Variants in CARM1 observed in about 807,000 individuals in gnomAD.
The protein encoded by CARM1 is coactivator associated arginine methyltransferase 1.
In CARM1, 14 loss-of-function variants were observed where a neutral mutation model predicts 72.7. The observed-to-expected ratio is 0.19, with a 90% confidence interval of 0.13 to 0.30. The LOEUF is 0.30. CARM1 is among the 10% of genes least tolerant of loss of function. CARM1 has a pLI of 1.00. For missense variants in CARM1, 432 were observed against 833.7 expected (o/e 0.52, Z 5.93); for synonymous variants, 333 against 345.5 (o/e 0.96, Z 0.40).
rs190993014 is a variant in CARM1, at chr19:10,916,242, C to T, written c.848-165C>T. ...AGGTACCCGTGGTGGTGATGAAACA[C>T]TGATCAGAATAGGCGCTCGGTGCCA... On this transcript the variant is annotated intron_variant, in intron 6 of 15. Transcript: ENST00000327064. The surrounding 1 kb of genome is among the most constrained non-coding windows in gnomAD (Gnocchi z 4.4). Among the ~76,000 whole-genome samples the T allele has an allele frequency of 1.2e-4, 18 of 152,314 alleles. No homozygotes were observed. Among genetic ancestry groups the T allele is most frequent in the Non-Finnish European group, 2.5e-4 (17 of 68,034 alleles).
Position 10,872,321 on chromosome 19 carries a change from C to T in CARM1, c.220+399C>T, listed in dbSNP as rs1015011911. Among the ~76,000 whole-genome samples the T allele has an allele frequency of 1.5e-3, 229 of 151,480 alleles. 2 individuals carry two copies. Among genetic ancestry groups the T allele is most frequent in the African/African-American group, 5.4e-3 (222 of 41,280 alleles). ...GTGGGCGTCTCGGGGGCGGGCGTGG[C>T]CGCCTCTGCAGGGAGGAGGGTGGGG... On this transcript the variant is annotated intron_variant, in intron 1 of 15. Coordinates refer to ENST00000327064, the MANE Select transcript of CARM1 (RefSeq NM_199141.2).
At chr19:10,901,191 C>CA (rs2145216049) in intron 1 of CARM1, among the ~76,000 whole-genome samples, 1 of 151,918 alleles carries the variant, frequency 6.6e-6, no homozygotes, top group African/African-American at 2.4e-5. Context: ...CCATGTTGAC[C>CA]AGGCTGGTCT....
intron 1 of CARM1, among the ~76,000 whole-genome samples, chr19:10,894,266 G>C: frequency 6.6e-6 from 1 of 152,206 alleles, no homozygotes; most frequent in East Asian, 1.9e-4. Context: ...TGGGAGGGCC[G>C]GGGGTGGCTC....
Position 10,912,353 on chromosome 19 carries a change from C to T in CARM1, c.669+59C>T. The T allele has an allele frequency of 7.6e-7, 1 of 1,315,238 alleles. No individual in the cohort carries two copies. The highest frequency in any genetic ancestry group is 1.2e-5 in the South Asian group (1 of 85,228). The allele number at this position is 1,315,238 out of a possible 1,614,324, so 81.5% of individuals were successfully genotyped here. ...CCTCGCCCATGAGTGCCATGCCGGC[C>T]CCAGCCTAGAGAAGCTTGGGAACCC... On this transcript the variant is annotated intron_variant, in intron 5 of 15. Transcript: ENST00000327064. This position sits in a 1 kb window ranked among gnomAD's most constrained non-coding sequence, Gnocchi z 4.5.
At chr19:10,890,774 C>CACACATAT (rs1460065828) in intron 1 of CARM1, among the ~76,000 whole-genome samples, 1 of 63,612 alleles carries the variant, frequency 1.6e-5, no homozygotes, top group Non-Finnish European at 2.8e-5. Flanking sequence ...TACACACACA[C>CACACATAT]ATATATATAT....
chr19:10,878,893 G>A (rs1018273328), intron 1 of CARM1, among the ~76,000 whole-genome samples: 4 of 150,662 alleles, frequency 2.7e-5, no homozygotes, highest in Non-Finnish European at 5.9e-5. Flanking sequence ...TGCATCCTCT[G>A]CCTCCCGGGT....
intron 1 of CARM1, 111 bp from the exon 2 acceptor site, chr19:10,904,839 GA>G: frequency 6.9e-7 from 1 of 1,449,546 alleles, no homozygotes. Context: ...TGGCACTCTG[GA>G]AGAATCTGGG....
chr19:10,875,689 G>A (rs1051281871), intron 1 of CARM1, among the ~76,000 whole-genome samples: 1 of 151,874 alleles, frequency 6.6e-6, no homozygotes, highest in African/African-American at 2.4e-5. Flanking sequence ...CTCCCAAAGT[G>A]CTGGGATTAC....
Position 10,915,239 on chromosome 19 carries a change from G to A in CARM1, c.848-1168G>A, listed in dbSNP as rs553440398. 6.9e-4 allele frequency among the ~76,000 whole-genome samples: 105 copies of A among 152,254 alleles called. No homozygotes were observed. Among genetic ancestry groups the A allele is most frequent in the Non-Finnish European group, 1.5e-3 (99 of 68,016 alleles). ...AGCAAGGCTGCTCCAGGGGCTGTGG[G>A]CCCCACTCTCCTCCCCTTCTGCCCT... is the stretch of plus-strand genomic sequence containing the variant. On this transcript the variant is annotated intron_variant, in intron 6 of 15. Coordinates refer to ENST00000327064, the MANE Select transcript of CARM1 (RefSeq NM_199141.2). The surrounding 1 kb of genome is among the most constrained non-coding windows in gnomAD (Gnocchi z 4.6).
chr19:10,916,573 C>T lies in CARM1; in HGVS notation c.938+76C>T. 7.1e-7 allele frequency: 1 copy of T among 1,402,104 alleles called. No homozygotes were observed. The highest frequency in any genetic ancestry group is 1.2e-5 in the South Asian group (1 of 84,836). 86.9% of individuals were successfully genotyped at this position (1,402,104 alleles called of 1,614,324 possible). ...GGACAGCCCCAGCTCCCCAGAGAGC[C>T]TGCACTCCTCTTTTTCTGAAAGACT... is the stretch of plus-strand genomic sequence containing the variant. On this transcript the variant is annotated intron_variant, in intron 7 of 15. Coordinates refer to ENST00000327064, the MANE Select transcript of CARM1 (RefSeq NM_199141.2). The surrounding 1 kb of genome is among the most constrained non-coding windows in gnomAD (Gnocchi z 4.4).
At chr19:10,905,942 CTTTTTT>C (rs35328638) in intron 2 of CARM1, among the ~76,000 whole-genome samples, 1 of 103,444 alleles carries the variant, frequency 9.7e-6, no homozygotes, top group Non-Finnish European at 1.9e-5. Context: ...TGCCCGGCCC[CTTTTTT>C]TTTTTTTTTT....
rs201425146 is a variant in CARM1 at position 10,920,609 on chromosome 19, G to A, written c.1334+36G>A. 6.4e-5 allele frequency: 104 copies of A among 1,613,986 alleles called. 2 individuals are homozygous for A. The highest frequency in any genetic ancestry group is 3.2e-4 in the Admixed American group (19 of 60,006). ...TCCCTGGGGCTGGTGGTGGTGGGCA[G>A]GGGTCCATCTGCCCAGCAGCTCATG... On this transcript the variant is annotated intron_variant, in intron 11 of 15. Transcript: ENST00000327064. This position sits in a 1 kb window ranked among gnomAD's most constrained non-coding sequence, Gnocchi z 5.3.
rs376398499 is a variant in CARM1, at chr19:10,912,143, C to T, written c.559-41C>T. 4.2e-6 allele frequency: 6 copies of T among 1,421,234 alleles called. No homozygotes were observed. The highest frequency in any genetic ancestry group is 3.4e-5 in the South Asian group (3 of 87,266). The allele number at this position is 1,421,234 out of a possible 1,614,324, so 88.0% of individuals were successfully genotyped here. On this transcript the variant is annotated intron_variant, in intron 4 of 15. Coordinates refer to ENST00000327064, the MANE Select transcript of CARM1 (RefSeq NM_199141.2). The surrounding 1 kb of genome is among the most constrained non-coding windows in gnomAD (Gnocchi z 4.5). Reference sequence around the variant, plus strand: ...ATCACTGTCACCTCCCCATCACCGTCGCCTCCTATGTCTCGCTCTCACCTC... The same window carrying T: ...ATCACTGTCACCTCCCCATCACCGTTGCCTCCTATGTCTCGCTCTCACCTC...
intron 1 of CARM1, among the ~76,000 whole-genome samples, chr19:10,902,070 T>C (rs565562799): frequency 6.6e-6 from 1 of 151,412 alleles, no homozygotes; most frequent in African/African-American, 2.4e-5. Flanking sequence ...ATGGTGAAAC[T>C]CCATCTCTAC....
At chr19:10,899,044 T>TG (rs1273458449) in intron 1 of CARM1, among the ~76,000 whole-genome samples, 1 of 151,156 alleles carries the variant, frequency 6.6e-6, no homozygotes, top group Non-Finnish European at 1.5e-5. Flanking sequence ...TTTTTTTTTT[T>TG]TTTTTTTTTG....
At chr19:10,882,443 T>A (rs1325217176) in intron 1 of CARM1, among the ~76,000 whole-genome samples, 1 of 150,534 alleles carries the variant, frequency 6.6e-6, no homozygotes, top group Non-Finnish European at 1.5e-5. Context: ...TGGTGGAAAG[T>A]GGCCTTGGCC....
At chr19:10,872,346 G>T (rs2073825558) in intron 1 of CARM1, among the ~76,000 whole-genome samples, 1 of 151,948 alleles carries the variant, frequency 6.6e-6, no homozygotes, top group Non-Finnish European at 1.5e-5. Context: ...GGAGGGTGGG[G>T]CGTGGGCGGC....
chr19:10,903,170 A>G (rs570980754), intron 1 of CARM1, among the ~76,000 whole-genome samples: 1 of 152,276 alleles, frequency 6.6e-6, no homozygotes, highest in African/African-American at 2.4e-5. Context: ...TCAATTGAGG[A>G]TAAGTATAAG....
chr19:10,917,508 C>T (rs1427850306), intron 8 of CARM1, among the ~76,000 whole-genome samples: 1 of 151,938 alleles, frequency 6.6e-6, no homozygotes. Flanking sequence ...CCATTTTATT[C>T]TGTTTTCCCC....
Sources: allele counts gnomAD v4.1 joint callset (sites outside exome capture counted in the v4.1 genomes callset), GRCh38; gene constraint gnomAD v4.1.1; non-coding constraint Gnocchi (gnomAD v3.1); transcripts MANE v1.5; gene names NCBI Gene and HGNC (gene_info 2026-07-23, HGNC 2026-07-21).